Variants in ESRRG observed in about 807,000 individuals in gnomAD.
ESRRG encodes the protein estrogen-related receptor gamma.
A neutral mutation model predicts 44.0 loss-of-function variants in ESRRG; 13 were observed. The ratio of observed to expected loss-of-function variants is 0.30; its 90% CI spans 0.19 to 0.47. The LOEUF is 0.47. Ranked by LOEUF, ESRRG falls within the 20% of genes least tolerant of loss-of-function variation. ESRRG has a pLI of 1.00. For synonymous variants in ESRRG, 215 were observed against 214.6 expected (o/e 1.00, Z -0.02); for missense variants, 395 against 580.6 (o/e 0.68, Z 3.29).
intron 1 of ESRRG, among the ~76,000 whole-genome samples, chr1:216,951,205 C>T (rs1405225654): frequency 6.6e-6 from 1 of 152,104 alleles, no homozygotes; most frequent in Non-Finnish European, 1.5e-5. Flanking sequence ...ATTTATAGCC[C>T]AATAAACTAT....
At chr1:217,117,186 C>T (rs1375034605) in intron 1 of ESRRG, among the ~76,000 whole-genome samples, 1 of 152,178 alleles carries the variant, frequency 6.6e-6, no homozygotes, top group Non-Finnish European at 1.5e-5. Context: ...AGCCACATCC[C>T]TTCTCTAAGC....
chr1:216,751,475 G>T (rs1274992880), intron 2 of ESRRG, among the ~76,000 whole-genome samples: 1 of 152,064 alleles, frequency 6.6e-6, no homozygotes, highest in African/African-American at 2.4e-5. Context: ...ACTGACATTT[G>T]GTGGGGGGTA....
intron 6 of ESRRG, among the ~76,000 whole-genome samples, chr1:216,508,437 T>TA (rs1442058162): frequency 2.6e-5 from 4 of 152,216 alleles, no homozygotes; most frequent in Non-Finnish European, 4.4e-5. Context: ...TAAAGTTGCT[T>TA]ATAAGTATTT....
At chr1:216,516,006 G>A (rs189196019) in intron 6 of ESRRG, among the ~76,000 whole-genome samples, 43 of 151,854 alleles carry the variant, frequency 2.8e-4, no homozygotes, top group East Asian at 2.7e-3. Context: ...TTCCAGAATC[G>A]GAAAGAATTT....
chr1:216,940,638 G>A (rs1047228896), intron 1 of ESRRG, among the ~76,000 whole-genome samples: 2 of 152,168 alleles, frequency 1.3e-5, no homozygotes, highest in East Asian at 3.9e-4. Flanking sequence ...AGGCATGAAT[G>A]TGGTAACTGT....
At chr1:217,078,598 T>A (rs2091506605) in intron 1 of ESRRG, among the ~76,000 whole-genome samples, 1 of 152,170 alleles carries the variant, frequency 6.6e-6, no homozygotes, top group Non-Finnish European at 1.5e-5. Flanking sequence ...AACCACACAC[T>A]GTTACTGGCT....
upstream of ESRRG, among the ~76,000 whole-genome samples, chr1:217,094,133 T>C (rs78607843): frequency 8.9e-4 from 136 of 152,248 alleles, 1 homozygote; most frequent in East Asian, 0.024. Flanking sequence ...AATCCTCCTG[T>C]CTTCACCTCC....
At chr1:216,645,627 TTTG>T (rs2067379056) in intron 3 of ESRRG, among the ~76,000 whole-genome samples, 2 of 151,564 alleles carry the variant, frequency 1.3e-5, no homozygotes, top group Non-Finnish European at 2.9e-5. Flanking sequence ...ATCCTAGTCC[TTTG>T]GGAGGCCGAA....
intron 2 of ESRRG, among the ~76,000 whole-genome samples, chr1:216,821,687 G>GAAAAAAAAAAAAAAAAAAAAAAAAAA (rs1251334274): frequency 5.5e-5 from 3 of 54,190 alleles, no homozygotes; most frequent in Non-Finnish European, 1.2e-4. Context: ...CCTGCCTCAG[G>GAAAAAAAAAAAAAAAAAAAAAAAAAA]AAAAATAAAT....
chr1:216,565,697 A>G (rs904335820), intron 4 of ESRRG, among the ~76,000 whole-genome samples: 1 of 152,198 alleles, frequency 6.6e-6, no homozygotes, highest in African/African-American at 2.4e-5. Context: ...TTCTATCATC[A>G]TCAAATTGAG....
At chr1:216,547,946 T>C (rs2055060964) in intron 5 of ESRRG, among the ~76,000 whole-genome samples, 1 of 152,096 alleles carries the variant, frequency 6.6e-6, no homozygotes, top group Non-Finnish European at 1.5e-5. Flanking sequence ...GCATGAGCTA[T>C]ATGGCTTTCA....
At chr1:216,727,458 C>A (rs2087768787), upstream of ESRRG, among the ~76,000 whole-genome samples, 1 of 152,060 alleles carries the variant, frequency 6.6e-6, no homozygotes, top group Admixed American at 6.5e-5. Flanking sequence ...GGGTAGGTTG[C>A]CTCACTTATC....
intron 2 of ESRRG, among the ~76,000 whole-genome samples, chr1:216,651,725 C>G (rs893379874): frequency 3.3e-5 from 5 of 152,070 alleles, no homozygotes; most frequent in African/African-American, 1.2e-4. Context: ...TCATCCTCAT[C>G]ATGATGTGTG....
At chr1:216,980,256 G>A (rs1444508064) in intron 1 of ESRRG, among the ~76,000 whole-genome samples, 1 of 152,154 alleles carries the variant, frequency 6.6e-6, no homozygotes, top group African/African-American at 2.4e-5. Flanking sequence ...TTACCTCCAT[G>A]TCTGCTGCTG....
chr1:216,608,434 T>A (rs1385619569), intron 3 of ESRRG, among the ~76,000 whole-genome samples: 12 of 152,172 alleles, frequency 7.9e-5, no homozygotes, highest in Admixed American at 2.6e-4. Context: ...TTCCTCTAAG[T>A]GATGAAAGAA....
chr1:216,805,751 A>AT (rs938442539), intron 2 of ESRRG, among the ~76,000 whole-genome samples: 5 of 150,290 alleles, frequency 3.3e-5, no homozygotes, highest in African/African-American at 4.9e-5. Flanking sequence ...AAAAAAAAGG[A>AT]TTTTTTTTAA....
At chr1:216,980,139 C>T (rs536967315) in intron 1 of ESRRG, among the ~76,000 whole-genome samples, 2 of 152,246 alleles carry the variant, frequency 1.3e-5, no homozygotes, top group African/African-American at 2.4e-5. Context: ...TTACTAAATC[C>T]TACTTTTTCT....
At position 216,530,109 on chromosome 1, in the gene ESRRG, C is replaced by CAAAAAA. The variant is rs34108833; in HGVS notation, c.863-10694_863-10689dup. 1.1e-3 allele frequency among the ~76,000 whole-genome samples: 71 copies of CAAAAAA among 62,782 alleles called. 1 individual carries two copies. The highest frequency in any genetic ancestry group is 9.9e-3 in the Admixed American group (53 of 5,332). The allele number at this position is 62,782 out of a possible 152,430, so 41.2% of individuals were successfully genotyped here. A position where few individuals can be genotyped will look rare whatever the true frequency, so the allele number is the denominator to read the frequency against. On this transcript the variant is annotated intron_variant, in intron 5 of 6. Coordinates refer to ENST00000408911, the MANE Select transcript of ESRRG (RefSeq NM_001438.4). ...CCTGGGTGGCAGAGCGAGACTCCAT[C>CAAAAAA]AAAAAAAAAAAAAAAAAAAAAAAAG...
At chr1:216,913,113 A>T (rs1256116305) in intron 2 of ESRRG, among the ~76,000 whole-genome samples, 1 of 85,176 alleles carries the variant, frequency 1.2e-5, no homozygotes, top group Non-Finnish European at 2.1e-5. Flanking sequence ...CTCTGTCTCA[A>T]AAAAAAAAAA....
Sources: allele counts gnomAD v4.1 joint callset (sites outside exome capture counted in the v4.1 genomes callset), GRCh38; gene constraint gnomAD v4.1.1; transcripts MANE v1.5; gene names NCBI Gene and HGNC (gene_info 2026-07-23, HGNC 2026-07-21).